CTNNA3: variants seen among roughly 807,000 people sequenced by gnomAD.
CTNNA3 encodes the protein catenin alpha-3.
In CTNNA3, 76 loss-of-function variants were observed where a neutral mutation model predicts 95.7. The ratio of observed to expected loss-of-function variants is 0.79; its 90% CI spans 0.66 to 0.96. The LOEUF (loss-of-function observed/expected upper bound fraction) is 0.96, where lower values mean the gene tolerates loss of function less well. Ranked by LOEUF, CTNNA3 falls within the 40% of genes least tolerant of loss-of-function variation. CTNNA3 has a pLI of 0.00. For synonymous variants in CTNNA3, 431 were observed against 374.4 expected, an observed-to-expected ratio of 1.15 and a Z score of -1.74; for missense variants, 1,191 against 1,089.8, an observed-to-expected ratio of 1.09 and a Z score of -1.31.
intron 5 of CTNNA3, among the ~76,000 whole-genome samples, chr10:67,497,927 C>T (rs1441339254): frequency 6.6e-6 from 1 of 152,136 alleles, no homozygotes; most frequent in Non-Finnish European, 1.5e-5. Context: ...TGCAGAAGCT[C>T]TTTAGTTCAA....
At chr10:67,735,216 ATC>A (rs1214878922) in intron 1 of CTNNA3, among the ~76,000 whole-genome samples, 6 of 151,798 alleles carry the variant, frequency 4.0e-5, no homozygotes, top group Non-Finnish European at 8.8e-5. Flanking sequence ...TCTATAGAGC[ATC>A]CTTTGAGAAA....
intron 10 of CTNNA3, among the ~76,000 whole-genome samples, chr10:66,543,899 ATGTG>A (rs370848565): frequency 0.036 from 1,396 of 38,984 alleles, 9 homozygotes; most frequent in Middle Eastern, 0.065. Context: ...CCTTCTTGAG[ATGTG>A]TGTGTGTGTA....
At chr10:67,116,383 G>A (rs942486944) in intron 7 of CTNNA3, among the ~76,000 whole-genome samples, 3 of 151,918 alleles carry the variant, frequency 2.0e-5, no homozygotes, top group Non-Finnish European at 4.4e-5. Flanking sequence ...AATAAAGTAC[G>A]ATAGATATAT....
chr10:66,595,802 A>AATTT lies in CTNNA3; in HGVS notation c.1374+25886_1374+25889dup, dbSNP rs530253652. ...CAGGAGTGCACCACTGTACTTAGCTAATTTATTTATTTATTTATTTATTTA... is the reference window on the plus strand; with the variant it reads ...CAGGAGTGCACCACTGTACTTAGCTAATTTATTTATTTATTTATTTATTTATTTA... On this transcript the variant is annotated intron_variant, in intron 10 of 17. Transcript: ENST00000433211. Among the ~76,000 whole-genome samples, 1,186 of 151,502 alleles carry AATTT rather than the reference A, an allele frequency of 7.8e-3. 14 individuals are homozygous for AATTT. Among genetic ancestry groups the AATTT allele is most frequent in the East Asian group, 0.035 (177 of 5,124 alleles).
chr10:67,333,428 T>A (rs1193602425), intron 5 of CTNNA3, among the ~76,000 whole-genome samples: 1 of 152,232 alleles, frequency 6.6e-6, no homozygotes, highest in South Asian at 2.1e-4. Flanking sequence ...TTTATGGTAA[T>A]TGCAGTTTTA....
intron 1 of CTNNA3, among the ~76,000 whole-genome samples, chr10:67,686,195 T>C (rs541395999): frequency 1.3e-5 from 2 of 152,348 alleles, no homozygotes; most frequent in East Asian, 3.9e-4. Context: ...TTTATTCTTC[T>C]TCCCTTTCCC....
At chr10:66,507,983 G>T (rs1003453908) in intron 11 of CTNNA3, among the ~76,000 whole-genome samples, 6 of 151,922 alleles carry the variant, frequency 3.9e-5, no homozygotes, top group Non-Finnish European at 8.8e-5. Context: ...CAGTACATAA[G>T]AATTCCCCTT....
At position 66,349,738 on chromosome 10, in the gene CTNNA3, T is replaced by G. The variant is rs532713597; in HGVS notation, c.1732+29414A>C. On this transcript the variant is annotated intron_variant, in intron 12 of 17. Transcript: ENST00000433211. ...ACATGTGCAGTAACAAGTTTGAGAG[T>G]TTTTTTTGTACAAGAATAATGTTGA... Among the ~76,000 whole-genome samples the G allele has an allele frequency of 2.5e-4, 38 of 151,664 alleles. No homozygotes were observed. In the South Asian group the frequency reaches 7.5e-3, roughly 30 times the overall value.
chr10:66,643,302 A>T (rs1845580540), intron 9 of CTNNA3, among the ~76,000 whole-genome samples: 1 of 152,180 alleles, frequency 6.6e-6, no homozygotes, highest in Non-Finnish European at 1.5e-5. Flanking sequence ...TGTATCTTGT[A>T]CATGAAAATA....
chr10:67,104,039 C>A (rs1186567293), intron 7 of CTNNA3, among the ~76,000 whole-genome samples: 1 of 151,664 alleles, frequency 6.6e-6, no homozygotes, highest in Non-Finnish European at 1.5e-5. Flanking sequence ...ATCATCTTAG[C>A]CCTTTTATAA....
At chr10:66,910,235 T>C (rs949660771) in intron 7 of CTNNA3, among the ~76,000 whole-genome samples, 2 of 152,220 alleles carry the variant, frequency 1.3e-5, no homozygotes, top group Non-Finnish European at 2.9e-5. Context: ...ATACTTACAG[T>C]GTGGCTGTAT....
At chr10:67,547,702 A>C (rs1840887848) in intron 3 of CTNNA3, among the ~76,000 whole-genome samples, 1 of 152,232 alleles carries the variant, frequency 6.6e-6, no homozygotes, top group South Asian at 2.1e-4. Context: ...GTACAGAGTG[A>C]AACCCAAAGG....
At chr10:65,940,513 T>C (rs1465464296) in intron 17 of CTNNA3, among the ~76,000 whole-genome samples, 1 of 152,186 alleles carries the variant, frequency 6.6e-6, no homozygotes. Context: ...CTCTTTCATA[T>C]CACTGAGCAG....
chr10:66,098,548 G>C (rs1353161981), intron 14 of CTNNA3: 1 of 152,120 alleles, frequency 6.6e-6, no homozygotes, highest in African/African-American at 2.4e-5. Context: ...GATTTAGTCT[G>C]TATGTCATAT....
intron 9 of CTNNA3, among the ~76,000 whole-genome samples, chr10:66,623,770 G>A (rs1173717516): frequency 2.0e-5 from 3 of 152,204 alleles, no homozygotes; most frequent in South Asian, 2.1e-4. Flanking sequence ...AAACAAGGTC[G>A]AATTTTAAGA....
intron 15 of CTNNA3, among the ~76,000 whole-genome samples, chr10:66,021,852 C>CTTGTTTTTTTTTTTTTT (rs2079219262): frequency 1.3e-5 from 1 of 75,952 alleles, no homozygotes; most frequent in Non-Finnish European, 2.4e-5. Context: ...AGGATCTTGG[C>CTTGTTTTTTTTTTTTTT]TTTTTTTTTT....
intron 11 of CTNNA3, among the ~76,000 whole-genome samples, chr10:66,432,658 C>T (rs1375811816): frequency 8.2e-6 from 1 of 121,230 alleles, no homozygotes; most frequent in Non-Finnish European, 1.7e-5. Context: ...GAGACCATCT[C>T]ACAGAAAAAA....
At chr10:66,134,758 G>A (rs557188660) in intron 13 of CTNNA3, among the ~76,000 whole-genome samples, 1 of 152,122 alleles carries the variant, frequency 6.6e-6, no homozygotes, top group African/African-American at 2.4e-5. Flanking sequence ...TCATATAAAG[G>A]TCAAAATGTC....
At chr10:66,771,867 A>T (rs1277153863) in intron 8 of CTNNA3, among the ~76,000 whole-genome samples, 1 of 152,146 alleles carries the variant, frequency 6.6e-6, no homozygotes, top group East Asian at 1.9e-4. Flanking sequence ...GAAGAATATA[A>T]TCATTGCTGT....
Sources: gnomAD v4.1 joint callset for allele counts (sites outside exome capture counted in the v4.1 genomes callset) on GRCh38, gnomAD v4.1.1 for gene constraint, MANE v1.5 for transcripts, NCBI Gene and HGNC (gene_info 2026-07-23, HGNC 2026-07-21) for gene names.